The following AKAP13 variants were observed in gnomAD, a reference collection of about 807,000 sequenced individuals.
AKAP13 encodes A-kinase anchor protein 13.
AKAP13 carries 80 observed loss-of-function variants against 264.5 expected under a neutral mutation model. That is an observed-to-expected ratio of 0.30 (90% CI 0.25 to 0.36). The LOEUF is 0.36. Among genes scored for constraint, AKAP13 ranks in the 10% least tolerant of loss-of-function variants. AKAP13 has a pLI of 1.00. For missense variants in AKAP13, 3,712 were observed against 3,435.2 expected (o/e 1.08, Z -2.01); for synonymous variants, 1,380 against 1,250.2 (o/e 1.10, Z -2.19).
Position 85,735,433 on chromosome 15 carries a change from T to G in AKAP13, c.7442-127T>G, listed in dbSNP as rs554050166. ...AATCACTTAGCTGCCACCAAGCAGC[T>G]CCCCCTTTTTGGGGGCATCAGTAGG... is the stretch of plus-strand genomic sequence containing the variant. On this transcript the variant is annotated intron_variant, in intron 31 of 36. Coordinates refer to ENST00000394518, the MANE Select transcript of AKAP13 (RefSeq NM_007200.5). 2.7e-5 allele frequency: 27 copies of G among 982,050 alleles called. No individual in the cohort carries two copies. The South Asian group carries it at 3.8e-4, about 14-fold the overall frequency. 60.8% of individuals were successfully genotyped at this position (982,050 alleles called of 1,614,324 possible).
Position 85,636,508 on chromosome 15 carries a change from A to G in AKAP13, c.4162-2866A>G, listed in dbSNP as rs71397887. Among the ~76,000 whole-genome samples the G allele has an allele frequency of 5.1e-3, 779 of 152,328 alleles. 5 individuals are homozygous for G. Among genetic ancestry groups the G allele is most frequent in the Middle Eastern group, 0.014 (4 of 294 alleles). Reference sequence around the variant, plus strand: ...ATTTAGTCTTTCACCAATAAATATAATGTTAACCGTAGGTTTTTTATAGAT... The same window carrying G: ...ATTTAGTCTTTCACCAATAAATATAGTGTTAACCGTAGGTTTTTTATAGAT... On this transcript the variant is annotated intron_variant, in intron 8 of 36. Coordinates refer to ENST00000394518, the MANE Select transcript of AKAP13 (RefSeq NM_007200.5).
chr15:85,599,031 A>G (rs909153897), intron 8 of AKAP13, among the ~76,000 whole-genome samples: 1 of 152,208 alleles, frequency 6.6e-6, no homozygotes, highest in African/African-American at 2.4e-5. Context: ...CCCAGGAGTC[A>G]TTAGGTTTCC....
chr15:85,573,921 T>C (rs1456874316), intron 5 of AKAP13, among the ~76,000 whole-genome samples: 1 of 152,228 alleles, frequency 6.6e-6, no homozygotes, highest in Non-Finnish European at 1.5e-5. Flanking sequence ...TCAAACACCA[T>C]AGATGTAGTT....
intron 8 of AKAP13, among the ~76,000 whole-genome samples, chr15:85,612,940 C>G (rs2080726318): frequency 6.6e-6 from 1 of 152,070 alleles, no homozygotes; most frequent in Non-Finnish European, 1.5e-5. Flanking sequence ...AAAATTTGCA[C>G]TTACGGGCTT....
intron 8 of AKAP13, among the ~76,000 whole-genome samples, chr15:85,608,882 A>G (rs1251418374): frequency 6.6e-6 from 1 of 152,212 alleles, no homozygotes; most frequent in Non-Finnish European, 1.5e-5. Context: ...GCCTTTCTGA[A>G]TGACAGCCTA....
chr15:85,470,088 G>C (rs1346582157), intron 1 of AKAP13, among the ~76,000 whole-genome samples: 1 of 152,156 alleles, frequency 6.6e-6, no homozygotes, highest in African/African-American at 2.4e-5. Context: ...AGGAGTTCGA[G>C]ACCAGCCTGG....
chr15:85,619,489 T>C, intron 8 of AKAP13: 1 of 985,416 alleles, frequency 1.0e-6, no homozygotes, highest in Non-Finnish European at 1.2e-6. Flanking sequence ...AGACTTTACT[T>C]TGAAAAGCAT....
intron 25 of AKAP13, 142 bp from the exon 26 acceptor site, chr15:85,722,930 C>T: frequency 1.8e-6 from 2 of 1,098,460 alleles, no homozygotes; most frequent in Non-Finnish European, 2.5e-6. Flanking sequence ...AGGATAGGCA[C>T]ATGATCTCTG....
At chr15:85,706,540 C>T (rs1279581759) in intron 17 of AKAP13, among the ~76,000 whole-genome samples, 1 of 152,184 alleles carries the variant, frequency 6.6e-6, no homozygotes, top group Non-Finnish European at 1.5e-5. Flanking sequence ...TACATACATG[C>T]AGAGCCAGGA....
intron 1 of AKAP13, among the ~76,000 whole-genome samples, chr15:85,386,061 G>A (rs906866774): frequency 3.3e-5 from 5 of 152,222 alleles, no homozygotes; most frequent in African/African-American, 4.8e-5. Flanking sequence ...CTAACCTCAA[G>A]TGATCTGCCT....
chr15:85,630,621 A>G (rs1254475239), intron 8 of AKAP13, among the ~76,000 whole-genome samples: 2 of 152,354 alleles, frequency 1.3e-5, no homozygotes, highest in East Asian at 1.9e-4. Context: ...TTTTTAAAAA[A>G]TAGAAGGATA....
intron 4 of AKAP13, 88 bp downstream of exon 4, chr15:85,533,968 T>A: frequency 7.3e-7 from 1 of 1,361,538 alleles, no homozygotes. Flanking sequence ...ATGGTCATCA[T>A]ATTCAGGTCT....
At chr15:85,593,321 A>G (rs1468502629) in intron 8 of AKAP13, among the ~76,000 whole-genome samples, 1 of 152,014 alleles carries the variant, frequency 6.6e-6, no homozygotes, top group Non-Finnish European at 1.5e-5. Context: ...CAAAACAAAA[A>G]CAAAAAAACA....
intron 1 of AKAP13, among the ~76,000 whole-genome samples, chr15:85,467,316 G>A (rs2074780846): frequency 6.6e-6 from 1 of 152,128 alleles, no homozygotes; most frequent in Non-Finnish European, 1.5e-5. Context: ...ATGTTTGAGT[G>A]ATTGTGATTT....
chr15:85,698,519 A>G (rs1046261598), intron 17 of AKAP13, among the ~76,000 whole-genome samples: 4 of 151,872 alleles, frequency 2.6e-5, no homozygotes, highest in Admixed American at 2.0e-4. Flanking sequence ...GAGGTTGCCA[A>G]ACTTTTTCTG....
rs748695625 is a variant in AKAP13 at position 85,533,705 on chromosome 15, A to G, written c.303A>G (p.Gln101=). The G allele has an allele frequency of 1.2e-6, 2 of 1,614,176 alleles. No homozygotes were observed. The highest frequency in any genetic ancestry group is 2.2e-5 in the South Asian group (2 of 91,086). Reference sequence around the variant, plus strand: ...AGGATGAAGCGTATGATGCAGCTCAATTCCTAGCAACCAGTGCTGGAAATC... The same window carrying G: ...AGGATGAAGCGTATGATGCAGCTCAGTTCCTAGCAACCAGTGCTGGAAATC... ...FVQDEAYDAA[Q]FLATSAGNQQ... The change falls in exon 4 of 37, where the codon CAA becomes CAG. Residue 101 remains glutamine, a synonymous_variant. Coordinates refer to ENST00000394518, the MANE Select transcript of AKAP13 (RefSeq NM_007200.5).
At chr15:85,629,095 G>A (rs1321986762) in intron 8 of AKAP13, among the ~76,000 whole-genome samples, 1 of 152,138 alleles carries the variant, frequency 6.6e-6, no homozygotes, top group Non-Finnish European at 1.5e-5. Context: ...TACCCAGGAG[G>A]CTGAGACAGG....
chr15:85,537,792 T>C (rs2077450188), intron 4 of AKAP13, among the ~76,000 whole-genome samples: 1 of 152,226 alleles, frequency 6.6e-6, no homozygotes, highest in Admixed American at 6.5e-5. Context: ...TCTGATAATG[T>C]GTGCTAGTTT....
At chr15:85,654,067 C>G (rs2082988474) in intron 10 of AKAP13, among the ~76,000 whole-genome samples, 1 of 152,226 alleles carries the variant, frequency 6.6e-6, no homozygotes, top group Non-Finnish European at 1.5e-5. Flanking sequence ...AACAGAGTTA[C>G]ACAGAACCTG....
Sources: allele counts gnomAD v4.1 joint callset (sites outside exome capture counted in the v4.1 genomes callset), GRCh38; gene constraint gnomAD v4.1.1; transcripts MANE v1.5; gene names NCBI Gene and HGNC (gene_info 2026-07-23, HGNC 2026-07-21).